The following CAPN3 variants were observed in gnomAD, a reference collection of about 807,000 sequenced individuals.
CAPN3 encodes the protein calpain-3.
Under a neutral mutation model 114.0 loss-of-function variants are expected in CAPN3, and 88 were observed. That is an observed-to-expected ratio of 0.77 (90% CI 0.65 to 0.92). The LOEUF (loss-of-function observed/expected upper bound fraction) is 0.92. CAPN3 is among the 40% of genes least tolerant of loss of function. CAPN3 has a pLI of 0.00. For synonymous variants in CAPN3, 386 were observed against 382.9 expected (o/e 1.01, Z -0.09); for missense variants, 1,028 against 1,069.0 (o/e 0.96, Z 0.53).
chr15:42,377,796 C>T (rs2053129707), intron 1 of CAPN3, among the ~76,000 whole-genome samples: 1 of 152,144 alleles, frequency 6.6e-6, no homozygotes, highest in Admixed American at 6.6e-5. Flanking sequence ...CCATCTGGTT[C>T]TGGTGCCTTC....
intron 10 of CAPN3, among the ~76,000 whole-genome samples, chr15:42,399,879 CG>C (rs2053818069): frequency 6.6e-6 from 1 of 152,172 alleles, no homozygotes; most frequent in Admixed American, 6.6e-5. Flanking sequence ...GCTTGACTTA[CG>C]ATGAGGTTAT....
At chr15:42,378,250 C>CG (rs923050259) in intron 1 of CAPN3, among the ~76,000 whole-genome samples, 2 of 152,134 alleles carry the variant, frequency 1.3e-5, no homozygotes, top group African/African-American at 4.8e-5. Flanking sequence ...GCCCCCACCC[C>CG]GGGGGGAGCT....
chr15:42,404,404 G>A, intron 14 of CAPN3: 1 of 456,552 alleles, frequency 2.2e-6, no homozygotes, highest in Non-Finnish European at 4.4e-6. Context: ...ATACTTGCAA[G>A]GTTGCTGAGA....
chr15:42,406,335 C>T (rs1006395837), intron 15 of CAPN3, among the ~76,000 whole-genome samples: 2 of 152,142 alleles, frequency 1.3e-5, no homozygotes, highest in African/African-American at 2.4e-5. Flanking sequence ...TGTCCTGAAC[C>T]ACAAGAGGCC....
intron 14 of CAPN3, 191 bp downstream of exon 14, chr15:42,403,968 G>C: frequency 3.0e-6 from 2 of 676,596 alleles, no homozygotes; most frequent in Non-Finnish European, 2.7e-6. Flanking sequence ...TAAGCACCGG[G>C]GGCCATTGAG....
intron 1 of CAPN3, among the ~76,000 whole-genome samples, chr15:42,380,114 A>C (rs2053197209): frequency 6.6e-6 from 1 of 152,134 alleles, no homozygotes; most frequent in Non-Finnish European, 1.5e-5. Context: ...AAAATAAATA[A>C]AGTGGGTTTC....
intron 1 of CAPN3, among the ~76,000 whole-genome samples, chr15:42,380,536 A>G (rs2053213231): frequency 6.7e-6 from 1 of 148,480 alleles, no homozygotes; most frequent in Non-Finnish European, 1.5e-5. Flanking sequence ...GCATGCCACA[A>G]TGCCAAACTA....
intron 8 of CAPN3, among the ~76,000 whole-genome samples, chr15:42,396,483 G>A (rs1337560906): frequency 6.6e-6 from 1 of 151,990 alleles, no homozygotes; most frequent in East Asian, 1.9e-4. Context: ...CTTGTGATCC[G>A]CCCACCTCGG....
Position 42,366,181 on chromosome 15 carries a change from G to A in CAPN3, c.309+6067G>A, listed in dbSNP as rs530270680. On this transcript the variant is annotated intron_variant, in intron 1 of 23. Coordinates refer to ENST00000397163, the MANE Select transcript of CAPN3 (RefSeq NM_000070.3). ...TGAGGGAAATTGTGAAATGTAAAAC[G>A]TGAGGGAGAAAAGCATTCAGAATGG... is the stretch of plus-strand genomic sequence containing the variant. Among the ~76,000 whole-genome samples the A allele has an allele frequency of 3.6e-4, 55 of 152,292 alleles. No individual in the cohort carries two copies. The South Asian group carries it at 9.5e-3, about 26-fold the overall frequency.
intron 1 of CAPN3, among the ~76,000 whole-genome samples, chr15:42,378,666 G>A (rs927534045): frequency 6.6e-6 from 1 of 151,304 alleles, no homozygotes; most frequent in Non-Finnish European, 1.5e-5. Flanking sequence ...ATTTTTTATT[G>A]TTTCTTTTCT....
In CAPN3 at chr15:42,401,795, C is replaced by A. The variant is rs1412069629; in HGVS notation, c.1509C>A (p.Gly503=). ...RKLGASLFTI[G]FAIYEVPKEM... is the part of the protein sequence containing the mutation. The stretch of plus-strand genomic sequence containing the variant: ...TAGGGGCCAGTCTCTTCACCATTGG[C>A]TTCGCCATCTACGAGGTGTGCAGTC... Residue 503 remains glycine (G), a synonymous_variant, in exon 11 of 24, where the codon GGC becomes GGA. Transcript: ENST00000397163. 6.2e-7 allele frequency: 1 copy of A among 1,613,590 alleles called. No homozygotes were observed. Among genetic ancestry groups the A allele is most frequent in the East Asian group, 2.2e-5 (1 of 44,848 alleles).
intron 9 of CAPN3, 37 bp from the exon 10 acceptor site, chr15:42,399,454 GC>G: frequency 1.3e-6 from 2 of 1,544,254 alleles, no homozygotes; most frequent in Non-Finnish European, 1.8e-6. Flanking sequence ...CTCCTCACCT[GC>G]TCCCATATGG....
At position 42,410,639 on chromosome 15, in the gene CAPN3, G is replaced by A. The variant is rs752155690; in HGVS notation, c.2236G>A (p.Glu746Lys). 2.4e-5 allele frequency: 38 copies of A among 1,613,822 alleles called. No individual in the cohort carries two copies. The highest frequency in any genetic ancestry group is 1.6e-4 in the Middle Eastern group (1 of 6,084). The change falls in exon 21 of 24, where the codon GAG becomes AAG. Residue 746 changes from glutamate (E) to lysine (K), a missense_variant. Transcript: ENST00000397163. ...TDQSGTINSYEMRNAVNDAGF... is the reference protein window; with the variant it reads ...TDQSGTINSYKMRNAVNDAGF... Reference sequence around the variant, plus strand: ...CCAGTCCGGCACCATCAACAGCTACGAGATGCGAAATGCAGTCAACGACGC... The same window carrying A: ...CCAGTCCGGCACCATCAACAGCTACAAGATGCGAAATGCAGTCAACGACGC...
chr15:42,404,700 GTGCTC>G (rs2053970363), intron 14 of CAPN3: 1 of 1,178,530 alleles, frequency 8.5e-7, no homozygotes, highest in African/African-American at 1.6e-5. Context: ...ACAGTCCTTT[GTGCTC>G]TGTGGGGATG....
intron 1 of CAPN3, among the ~76,000 whole-genome samples, chr15:42,371,130 A>G (rs2052936104): frequency 6.6e-6 from 1 of 152,222 alleles, no homozygotes; most frequent in African/African-American, 2.4e-5. Context: ...CTGAAAGACA[A>G]AACGAGGTAC....
intron 1 of CAPN3, among the ~76,000 whole-genome samples, chr15:42,365,727 A>G (rs964116994): frequency 6.6e-6 from 1 of 152,036 alleles, no homozygotes. Flanking sequence ...AGGTATTACT[A>G]TCATACCCAT....
chr15:42,376,029 T>C (rs1309640701), intron 1 of CAPN3, among the ~76,000 whole-genome samples: 2 of 152,220 alleles, frequency 1.3e-5, no homozygotes, highest in Non-Finnish European at 2.9e-5. Context: ...TGACCCTCAA[T>C]TGGCATTTGT....
chr15:42,399,190 T>C (rs1379141695), intron 9 of CAPN3, among the ~76,000 whole-genome samples: 1 of 152,196 alleles, frequency 6.6e-6, no homozygotes, highest in African/African-American at 2.4e-5. Flanking sequence ...GTAACCACTG[T>C]CTGCTCTCTA....
Position 42,410,942 on chromosome 15 carries a change from C to A in CAPN3, c.2322C>A (p.His774Gln). ...TTACCATGCGGTACGCAGACAAACA[C>A]ATGAACATCGACTTTGACAGTTTCA... ...DIITMRYADKHMNIDFDSFIC... is the reference protein window; with the variant it reads ...DIITMRYADKQMNIDFDSFIC... The change falls in exon 22 of 24, where the codon CAC (histidine) becomes CAA (glutamine). Residue 774 changes from histidine (H) to glutamine (Q), a missense_variant. Coordinates refer to ENST00000397163, the MANE Select transcript of CAPN3 (RefSeq NM_000070.3). The A allele has an allele frequency of 6.2e-7, 1 of 1,614,218 alleles. No homozygotes were observed. The highest frequency in any genetic ancestry group is 8.5e-7 in the Non-Finnish European group (1 of 1,180,018).
Sources: gnomAD v4.1 joint callset for allele counts (sites outside exome capture counted in the v4.1 genomes callset) on GRCh38, gnomAD v4.1.1 for gene constraint, MANE v1.5 for transcripts, NCBI Gene and HGNC (gene_info 2026-07-23, HGNC 2026-07-21) for gene names.